The following ADCY2 variants were observed in gnomAD, a reference collection of about 807,000 sequenced individuals.
ADCY2 encodes adenylate cyclase 2, also known as adenylate cyclase type 2.
In ADCY2, 31 loss-of-function variants were observed where a neutral mutation model predicts 125.2. That is an observed-to-expected ratio of 0.25 (90% CI 0.19 to 0.33). ADCY2 has a LOEUF of 0.33. ADCY2 is among the 10% of genes least tolerant of loss of function. The pLI is 1.00. For missense variants in ADCY2, 904 were observed against 1,418.2 expected, an observed-to-expected ratio of 0.64 and a Z score of 5.82; for synonymous variants, 512 against 548.4, an observed-to-expected ratio of 0.93 and a Z score of 0.93.
At chr5:7,781,685 A>G (rs1179709230) in intron 18 of ADCY2, among the ~76,000 whole-genome samples, 1 of 152,212 alleles carries the variant, frequency 6.6e-6, no homozygotes, top group Admixed American at 6.5e-5. Context: ...TAAGTCACCT[A>G]GTTTATGCTA....
chr5:7,727,995 G>C (rs981989289), intron 14 of ADCY2, among the ~76,000 whole-genome samples: 1 of 151,926 alleles, frequency 6.6e-6, no homozygotes, highest in Non-Finnish European at 1.5e-5. Flanking sequence ...GAAAATTCTT[G>C]TCCTTCTTTT....
chr5:7,572,275 A>G (rs1415296466), intron 3 of ADCY2, among the ~76,000 whole-genome samples: 3 of 152,208 alleles, frequency 2.0e-5, no homozygotes, highest in African/African-American at 7.2e-5. Context: ...TCAACAGTGT[A>G]TAAATGTTTC....
At chr5:7,402,697 AG>A (rs1241272261) in intron 1 of ADCY2, among the ~76,000 whole-genome samples, 5 of 152,230 alleles carry the variant, frequency 3.3e-5, no homozygotes, top group Non-Finnish European at 1.5e-5. Context: ...ACTTCTGAAA[AG>A]CTTGGTGCTG....
At chr5:7,506,868 A>G (rs543344289) in intron 2 of ADCY2, among the ~76,000 whole-genome samples, 309 of 133,334 alleles carry the variant, frequency 2.3e-3, no homozygotes, top group African/African-American at 8.3e-3. Flanking sequence ...GCTCACTGCA[A>G]GCCCCGCCTC....
At chr5:7,729,954 A>G (rs1742049659) in intron 14 of ADCY2, among the ~76,000 whole-genome samples, 1 of 151,842 alleles carries the variant, frequency 6.6e-6, no homozygotes, top group East Asian at 1.9e-4. Context: ...AGAGTGGTGA[A>G]GCCTGAGATT....
chr5:7,759,356 C>G (rs1743119696), intron 16 of ADCY2, among the ~76,000 whole-genome samples: 1 of 152,224 alleles, frequency 6.6e-6, no homozygotes, highest in South Asian at 2.1e-4. Flanking sequence ...CAGCCACCTG[C>G]TCAGCCTCCA....
chr5:7,639,111 C>T lies in ADCY2; in HGVS notation c.720+12795C>T, dbSNP rs116629142. ...CTTTCTTTTGTGAATTGCCCAGTCT[C>T]GGGTATGTGTTTATCAGCAGTGTGA... On this transcript the variant is annotated intron_variant, in intron 4 of 24. Coordinates refer to ENST00000338316, the MANE Select transcript of ADCY2 (RefSeq NM_020546.3). Among the ~76,000 whole-genome samples the T allele has an allele frequency of 6.3e-3, 964 of 152,166 alleles. 6 individuals carry two copies. Among genetic ancestry groups the T allele is most frequent in the African/African-American group, 0.022 (906 of 41,510 alleles).
intron 4 of ADCY2, among the ~76,000 whole-genome samples, chr5:7,643,169 C>T (rs1359233746): frequency 6.6e-6 from 1 of 151,792 alleles, no homozygotes; most frequent in Non-Finnish European, 1.5e-5. Flanking sequence ...CCATTAAATC[C>T]ATCAGCATGC....
chr5:7,716,329 A>G (rs1011650179), intron 11 of ADCY2, among the ~76,000 whole-genome samples: 8 of 152,218 alleles, frequency 5.3e-5, no homozygotes, highest in Non-Finnish European at 1.2e-4. Flanking sequence ...GAAAACACGA[A>G]AAAGGAATGA....
chr5:7,809,418 T>C (rs1744863753), intron 22 of ADCY2, among the ~76,000 whole-genome samples: 1 of 152,236 alleles, frequency 6.6e-6, no homozygotes, highest in South Asian at 2.1e-4. Context: ...TAATATTAGT[T>C]ACTTTTATAA....
At chr5:7,518,267 CAT>C (rs913843503) in intron 2 of ADCY2, among the ~76,000 whole-genome samples, 30 of 152,160 alleles carry the variant, frequency 2.0e-4, no homozygotes, top group African/African-American at 7.2e-4. Context: ...GGCTAGAACT[CAT>C]GCATGTTCCT....
chr5:7,665,987 C>T (rs190887642), intron 4 of ADCY2, among the ~76,000 whole-genome samples: 41,012 of 148,924 alleles, frequency 0.28, 5,941 homozygotes, highest in Admixed American at 0.44. Flanking sequence ...TACAGGCACC[C>T]GCCACTATGC....
rs369772177 is a variant in ADCY2, at chr5:7,603,906, G to A, written c.571-22261G>A. ...ATGTATACATGTGCCATGCTGGTGC[G>A]CTGCACCCACTAATGTGTCATCTAG... On this transcript the variant is annotated intron_variant, in intron 3 of 24. Coordinates refer to ENST00000338316, the MANE Select transcript of ADCY2 (RefSeq NM_020546.3). Among the ~76,000 whole-genome samples, 392 of 90,148 alleles carry A rather than the reference G, an allele frequency of 4.3e-3. 4 individuals carry two copies. The highest frequency in any genetic ancestry group is 0.017 in the African/African-American group (352 of 20,884). 59.1% of individuals were successfully genotyped at this position (90,148 alleles called of 152,430 possible).
intron 4 of ADCY2, among the ~76,000 whole-genome samples, chr5:7,662,960 T>G (rs112334028): frequency 2.7e-5 from 4 of 150,284 alleles, no homozygotes; most frequent in Non-Finnish European, 4.4e-5. Flanking sequence ...CTTCACCCCA[T>G]GCCTGCTTCT....
chr5:7,570,303 T>A (rs1267320871), intron 3 of ADCY2, among the ~76,000 whole-genome samples: 1 of 152,152 alleles, frequency 6.6e-6, no homozygotes, highest in Admixed American at 6.6e-5. Flanking sequence ...TTAAATATCA[T>A]CATGAGAAAC....
intron 3 of ADCY2, among the ~76,000 whole-genome samples, chr5:7,540,298 CA>C (rs113831290): frequency 0.14 from 20,032 of 145,302 alleles, 1,823 homozygotes; most frequent in African/African-American, 0.27. Context: ...TGTAACAAAC[CA>C]AAAAAAAAAA....
intron 4 of ADCY2, among the ~76,000 whole-genome samples, chr5:7,648,037 C>T (rs1738962051): frequency 6.6e-6 from 1 of 152,184 alleles, no homozygotes; most frequent in Non-Finnish European, 1.5e-5. Flanking sequence ...GGATTCTAGA[C>T]CTTATCATAA....
rs775037230 is a variant in ADCY2, at chr5:7,709,191, G to A, written c.1402-20G>A. 5 of 1,586,528 alleles carry A rather than the reference G, an allele frequency of 3.2e-6. No individual in the cohort carries two copies. In the East Asian group the frequency reaches 1.1e-4, roughly 36 times the overall value. ...GGCCCTGTGCTGTGCCAGGTGTGATGCTTTGTTTCTCACCCCAAGGGAGAA... is the reference window on the plus strand; with the variant it reads ...GGCCCTGTGCTGTGCCAGGTGTGATACTTTGTTTCTCACCCCAAGGGAGAA... On this transcript the variant is annotated intron_variant, in intron 9 of 24. Transcript: ENST00000338316. The surrounding 1 kb of genome is among the most constrained non-coding windows in gnomAD (Gnocchi z 4.4).
chr5:7,553,337 G>A (rs1005756250), intron 3 of ADCY2, among the ~76,000 whole-genome samples: 3 of 152,172 alleles, frequency 2.0e-5, no homozygotes, highest in Admixed American at 1.3e-4. Flanking sequence ...TCGGAGGAGC[G>A]CAGTTCTGAA....
Sources: allele counts gnomAD v4.1 joint callset (sites outside exome capture counted in the v4.1 genomes callset), GRCh38; gene constraint gnomAD v4.1.1; non-coding constraint Gnocchi (gnomAD v3.1); transcripts MANE v1.5; gene names NCBI Gene and HGNC (gene_info 2026-07-23, HGNC 2026-07-21).